Variants in MFHAS1 observed in about 807,000 individuals in gnomAD.
MFHAS1 encodes multifunctional ROCO family signaling regulator 1, also known as malignant fibrous histiocytoma-amplified sequence 1.
MFHAS1 carries 50 observed loss-of-function variants against 70.4 expected under a neutral mutation model. That is an observed-to-expected ratio of 0.71 (90% CI 0.57 to 0.90). The LOEUF (loss-of-function observed/expected upper bound fraction) is 0.90. Ranked by LOEUF, MFHAS1 falls within the 40% of genes least tolerant of loss-of-function variation. The pLI is 0.00. For synonymous variants in MFHAS1, 952 were observed against 620.0 expected (o/e 1.54, Z -7.96); for missense variants, 1,795 against 1,347.6 (o/e 1.33, Z -5.20).
intron 1 of MFHAS1, among the ~76,000 whole-genome samples, chr8:8,872,152 G>C (rs528281630): frequency 3.9e-5 from 6 of 152,332 alleles, no homozygotes; most frequent in African/African-American, 1.2e-4. Context: ...GCATGTGACT[G>C]TGCACGGATA....
At chr8:8,820,204 T>G (rs556028055) in intron 1 of MFHAS1, among the ~76,000 whole-genome samples, 2 of 152,192 alleles carry the variant, frequency 1.3e-5, no homozygotes, top group South Asian at 2.1e-4. Context: ...TCCTTTCCCT[T>G]ACTCCCCCTT....
Position 8,795,268 on chromosome 8 carries a change from G to A in MFHAS1, c.3125+2097C>T, listed in dbSNP as rs189300644. On this transcript the variant is annotated intron_variant, in intron 2 of 2. Coordinates refer to ENST00000276282, the MANE Select transcript of MFHAS1 (RefSeq NM_004225.3). ...TCCCCTTATCCATCCTCACCCAGGT[G>A]TATCTGAAAGAAAGGGACCAATATG... is the stretch of plus-strand genomic sequence containing the variant. Among the ~76,000 whole-genome samples the A allele has an allele frequency of 2.6e-5, 4 of 152,252 alleles. No individual in the cohort carries two copies. In the East Asian group the frequency reaches 7.7e-4, roughly 29 times the overall value.
intron 1 of MFHAS1, among the ~76,000 whole-genome samples, chr8:8,845,357 G>T (rs76964715): frequency 0.021 from 3,147 of 152,296 alleles, 57 homozygotes; most frequent in Middle Eastern, 0.037. Flanking sequence ...TGAAGCAGCA[G>T]AAAATCATAT....
intron 1 of MFHAS1, among the ~76,000 whole-genome samples, chr8:8,854,565 G>C (rs1225595068): frequency 6.6e-6 from 1 of 150,834 alleles, no homozygotes; most frequent in African/African-American, 2.4e-5. Context: ...CATGCCTCTA[G>C]TCCCAGCAAC....
intron 1 of MFHAS1, among the ~76,000 whole-genome samples, chr8:8,873,933 G>A (rs530241582): frequency 2.0e-5 from 3 of 152,248 alleles, no homozygotes; most frequent in South Asian, 4.1e-4. Context: ...TCTAAACACT[G>A]CATCACGTGT....
intron 1 of MFHAS1, among the ~76,000 whole-genome samples, chr8:8,818,820 C>T (rs974249559): frequency 4.6e-5 from 7 of 152,176 alleles, no homozygotes; most frequent in Non-Finnish European, 7.3e-5. Flanking sequence ...AAGTCCCTGT[C>T]GCTATCATTA....
At chr8:8,870,606 A>G (rs1273417261) in intron 1 of MFHAS1, among the ~76,000 whole-genome samples, 2 of 151,802 alleles carry the variant, frequency 1.3e-5, no homozygotes, top group Non-Finnish European at 2.9e-5. Flanking sequence ...CCTACGACTC[A>G]CCTCCCCTGG....
At chr8:8,803,023 A>G (rs1424094108) in intron 1 of MFHAS1, among the ~76,000 whole-genome samples, 3 of 152,194 alleles carry the variant, frequency 2.0e-5, no homozygotes, top group Non-Finnish European at 2.9e-5. Flanking sequence ...ACCCACAGGT[A>G]TATTCTACCA....
chr8:8,836,781 A>G (rs1411204735), intron 1 of MFHAS1, among the ~76,000 whole-genome samples: 1 of 152,214 alleles, frequency 6.6e-6, no homozygotes, highest in East Asian at 1.9e-4. Flanking sequence ...AACTTCCTTT[A>G]GTTTCCTTTC....
chr8:8,827,140 C>A (rs185132501), intron 1 of MFHAS1, among the ~76,000 whole-genome samples: 3 of 152,116 alleles, frequency 2.0e-5, no homozygotes, highest in Non-Finnish European at 4.4e-5. Flanking sequence ...CTAGTTAGTA[C>A]GTAGAGAATT....
intron 1 of MFHAS1, among the ~76,000 whole-genome samples, chr8:8,853,946 T>C (rs929331692): frequency 6.6e-6 from 1 of 152,210 alleles, no homozygotes; most frequent in Non-Finnish European, 1.5e-5. Context: ...ATAATTACTA[T>C]TTCCAATTCC....
intron 1 of MFHAS1, among the ~76,000 whole-genome samples, chr8:8,868,214 A>G (rs1169953043): frequency 6.6e-6 from 1 of 152,042 alleles, no homozygotes; most frequent in Admixed American, 6.6e-5. Flanking sequence ...TGAATCTAGA[A>G]TCAATGAATA....
intron 1 of MFHAS1, among the ~76,000 whole-genome samples, chr8:8,807,195 T>C (rs562638601): frequency 1.4e-4 from 22 of 152,224 alleles, no homozygotes; most frequent in African/African-American, 5.1e-4. Context: ...GGAACGTCCT[T>C]ATCTGACCAA....
At chr8:8,801,100 A>G (rs1806069719) in intron 1 of MFHAS1, among the ~76,000 whole-genome samples, 1 of 152,114 alleles carries the variant, frequency 6.6e-6, no homozygotes, top group Non-Finnish European at 1.5e-5. Flanking sequence ...CTGTAGTCCC[A>G]GCTATTCAGG....
rs752348827 is a variant in MFHAS1, at chr8:8,786,059, T to A, written c.3126-4A>T. On this transcript the variant is annotated splice_polypyrimidine_tract_variant and splice_region_variant and intron_variant, in intron 2 of 2. Transcript: ENST00000276282. ...GTGCTTTTCACCAACATTCTTCCTG[T>A]ATGGGTGGACAACAAGAAAGCACAG... 3 of 1,613,990 alleles carry A rather than the reference T, an allele frequency of 1.9e-6. No homozygotes were observed. In the East Asian group the frequency reaches 6.7e-5, roughly 36 times the overall value.
chr8:8,818,205 A>G (rs1806819435), intron 1 of MFHAS1, among the ~76,000 whole-genome samples: 2 of 122,828 alleles, frequency 1.6e-5, no homozygotes, highest in Admixed American at 7.6e-5. Flanking sequence ...TAGACTCAGA[A>G]GAGTTTCTGG....
chr8:8,877,854 T>C (rs1263265691), intron 1 of MFHAS1, among the ~76,000 whole-genome samples: 1 of 152,214 alleles, frequency 6.6e-6, no homozygotes, highest in East Asian at 1.9e-4. Flanking sequence ...TACCAGTCCA[T>C]GAATGCCATT....
At chr8:8,852,139 G>A (rs1049663869) in intron 1 of MFHAS1, among the ~76,000 whole-genome samples, 24 of 152,150 alleles carry the variant, frequency 1.6e-4, no homozygotes, top group African/African-American at 5.3e-4. Context: ...TGAGGTTTCA[G>A]GAGTGCCAAG....
chr8:8,855,572 T>C (rs1808406051), intron 1 of MFHAS1, among the ~76,000 whole-genome samples: 1 of 152,238 alleles, frequency 6.6e-6, no homozygotes. Context: ...TACAGTGTTT[T>C]CAGCCAGGCA....
Sources: allele counts gnomAD v4.1 joint callset (sites outside exome capture counted in the v4.1 genomes callset), GRCh38; gene constraint gnomAD v4.1.1; transcripts MANE v1.5; gene names NCBI Gene and HGNC (gene_info 2026-07-23, HGNC 2026-07-21).